SCHIP1: variants seen among roughly 807,000 people sequenced by gnomAD.
SCHIP1 encodes the protein schwannomin-interacting protein 1.
A neutral mutation model predicts 29.7 loss-of-function variants in SCHIP1; 8 were observed. That is an observed-to-expected ratio of 0.27 (90% CI 0.16 to 0.49). SCHIP1 has a LOEUF of 0.49. Ranked by LOEUF, SCHIP1 falls within the 20% of genes least tolerant of loss-of-function variation. The pLI, the probability that SCHIP1 is intolerant of heterozygous loss-of-function variation, is 0.99. For missense variants in SCHIP1, 193 were observed against 294.6 expected, an observed-to-expected ratio of 0.66 and a Z score of 2.52; for synonymous variants, 76 against 94.9, an observed-to-expected ratio of 0.80 and a Z score of 1.16.
chr3:159,286,321 G>T, the SCHIP1 span, among the ~76,000 whole-genome samples: 1 of 152,084 alleles, frequency 6.6e-6, no homozygotes, highest in South Asian at 2.1e-4. Flanking sequence ...GAGAACATGT[G>T]GTATATGGTT....
chr3:159,366,264 G>T, the SCHIP1 span, among the ~76,000 whole-genome samples: 1 of 152,090 alleles, frequency 6.6e-6, no homozygotes, highest in Non-Finnish European at 1.5e-5. Flanking sequence ...TTACCACCAA[G>T]ACGATGGCCC....
the SCHIP1 span, among the ~76,000 whole-genome samples, chr3:159,500,131 G>A: frequency 6.6e-6 from 1 of 151,692 alleles, no homozygotes; most frequent in Non-Finnish European, 1.5e-5. Flanking sequence ...ACTAAGTCCA[G>A]TTTTTTGTTT....
At chr3:159,654,885 C>G in the SCHIP1 span, among the ~76,000 whole-genome samples, 1 of 151,836 alleles carries the variant, frequency 6.6e-6, no homozygotes, top group Admixed American at 6.6e-5. Flanking sequence ...TGATTTGTCA[C>G]CAGCTGGTTG....
At chr3:159,547,822 A>G in the SCHIP1 span, among the ~76,000 whole-genome samples, 9 of 152,198 alleles carry the variant, frequency 5.9e-5, no homozygotes, top group Non-Finnish European at 1.0e-4. Flanking sequence ...CTCTTGTAGT[A>G]TAGTTTGAAG....
the SCHIP1 span, among the ~76,000 whole-genome samples, chr3:159,729,117 C>T: frequency 6.6e-6 from 1 of 151,354 alleles, no homozygotes; most frequent in Non-Finnish European, 1.5e-5. Context: ...CACTGCACTC[C>T]AGCCTAGGAG....
the SCHIP1 span, among the ~76,000 whole-genome samples, chr3:159,575,185 C>T: frequency 6.6e-6 from 1 of 152,222 alleles, no homozygotes; most frequent in African/African-American, 2.4e-5. Flanking sequence ...TCTTCTTCGT[C>T]AATCACGCTG....
chr3:159,622,122 T>A, the SCHIP1 span, among the ~76,000 whole-genome samples: 24 of 152,236 alleles, frequency 1.6e-4, no homozygotes, highest in Non-Finnish European at 7.3e-5. Context: ...AAAGCAGCTC[T>A]GTTTTCAGTC....
At chr3:159,850,642 G>C (rs891046466) in intron 1 of SCHIP1, among the ~76,000 whole-genome samples, 4 of 151,772 alleles carry the variant, frequency 2.6e-5, no homozygotes, top group African/African-American at 9.7e-5. Context: ...AGTACAGGAA[G>C]CATGGTGGGG....
chr3:159,620,737 G>A, the SCHIP1 span, among the ~76,000 whole-genome samples: 6 of 152,234 alleles, frequency 3.9e-5, no homozygotes, highest in East Asian at 1.9e-4. Context: ...TCATGGGCAT[G>A]TGGTGCCTGT....
At chr3:159,755,032 G>A in the SCHIP1 span, among the ~76,000 whole-genome samples, 3 of 152,254 alleles carry the variant, frequency 2.0e-5, no homozygotes, top group East Asian at 3.9e-4. Flanking sequence ...TCAGGAGATC[G>A]AGACCATCCT....
chr3:159,405,824 A>G, the SCHIP1 span, among the ~76,000 whole-genome samples: 3 of 151,286 alleles, frequency 2.0e-5, no homozygotes, highest in African/African-American at 7.3e-5. Flanking sequence ...CGGAGGTTGC[A>G]GTGAGCTGAG....
At chr3:159,494,303 G>A in the SCHIP1 span, among the ~76,000 whole-genome samples, 3 of 152,156 alleles carry the variant, frequency 2.0e-5, 1 homozygote, top group East Asian at 1.9e-4. Context: ...AAAAAAATCA[G>A]TGAATCCAGG....
the SCHIP1 span, among the ~76,000 whole-genome samples, chr3:159,399,261 C>T: frequency 4.6e-5 from 7 of 152,266 alleles, no homozygotes; most frequent in East Asian, 1.9e-4. Flanking sequence ...GCCCCTTCCC[C>T]GACATATTAC....
chr3:159,700,113 A>G, the SCHIP1 span, among the ~76,000 whole-genome samples: 1 of 152,336 alleles, frequency 6.6e-6, no homozygotes, highest in East Asian at 1.9e-4. Context: ...TCAGAAGTAC[A>G]TGAATTGCTT....
chr3:159,696,860 C>T, the SCHIP1 span, among the ~76,000 whole-genome samples: 1 of 152,188 alleles, frequency 6.6e-6, no homozygotes, highest in African/African-American at 2.4e-5. Flanking sequence ...TGGGGCCTCT[C>T]TTCAGGTAAC....
chr3:159,310,474 C>G, the SCHIP1 span, among the ~76,000 whole-genome samples: 1 of 152,248 alleles, frequency 6.6e-6, no homozygotes, highest in Admixed American at 6.5e-5. Context: ...TGTTGCCATT[C>G]AACCAGAGGA....
intron 2 of SCHIP1, among the ~76,000 whole-genome samples, chr3:159,882,002 C>A (rs1716489203): frequency 6.6e-6 from 1 of 152,176 alleles, no homozygotes; most frequent in African/African-American, 2.4e-5. Context: ...GGCAGGGCTC[C>A]CTGAGGGGGA....
chr3:159,397,500 G>A, the SCHIP1 span, among the ~76,000 whole-genome samples: 258 of 152,156 alleles, frequency 1.7e-3, 2 homozygotes, highest in African/African-American at 5.3e-3. Context: ...TGGGTTTTTC[G>A]TGTGGATGTC....
chr3:159,361,418 T>G, the SCHIP1 span, among the ~76,000 whole-genome samples: 1 of 152,172 alleles, frequency 6.6e-6, no homozygotes, highest in Non-Finnish European at 1.5e-5. Flanking sequence ...GAAGGTCACC[T>G]TGGCTGAAGC....
Sources: gnomAD v4.1 joint callset for allele counts (sites outside exome capture counted in the v4.1 genomes callset) on GRCh38, gnomAD v4.1.1 for gene constraint, MANE v1.5 for transcripts, NCBI Gene and HGNC (gene_info 2026-07-23, HGNC 2026-07-21) for gene names.